Variants in XKR9 observed in about 807,000 individuals in gnomAD.
The protein encoded by XKR9 is XK related 9, also known as XK-related protein 9.
Under a neutral mutation model 32.0 loss-of-function variants are expected in XKR9, and 32 were observed. The observed-to-expected ratio is 1.00, with a 90% CI of 0.76 to 1.34. The LOEUF (loss-of-function observed/expected upper bound fraction) is 1.34, where lower values mean the gene tolerates loss of function less well. Among genes scored for constraint, XKR9 ranks in the 40% most tolerant of loss-of-function variants. XKR9 has a pLI of 0.00. For missense variants in XKR9, 546 were observed against 429.7 expected, an observed-to-expected ratio of 1.27 and a Z score of -2.39; for synonymous variants, 168 against 143.4, an observed-to-expected ratio of 1.17 and a Z score of -1.22.
the XKR9 span, among the ~76,000 whole-genome samples, chr8:70,815,305 G>C: frequency 6.6e-6 from 1 of 151,820 alleles, no homozygotes; most frequent in African/African-American, 2.4e-5. Flanking sequence ...TGTTTTTCCT[G>C]ATCCTCTCCC....
chr8:70,829,599 C>T, the XKR9 span, among the ~76,000 whole-genome samples: 1 of 152,196 alleles, frequency 6.6e-6, no homozygotes, highest in Non-Finnish European at 1.5e-5. Context: ...CAGGCGCCCG[C>T]TACCACACCC....
chr8:71,034,462 C>T, the XKR9 span, among the ~76,000 whole-genome samples: 2 of 152,282 alleles, frequency 1.3e-5, no homozygotes, highest in East Asian at 3.9e-4. Flanking sequence ...CAGGTATGTC[C>T]CTATAGCAGT....
At chr8:70,871,135 G>A in the XKR9 span, among the ~76,000 whole-genome samples, 6 of 152,028 alleles carry the variant, frequency 3.9e-5, no homozygotes, top group African/African-American at 1.2e-4. Flanking sequence ...AAACTCAGAT[G>A]TTGCATAATG....
chr8:70,731,472 A>C (rs1420291489), intron 4 of XKR9, among the ~76,000 whole-genome samples: 2 of 152,138 alleles, frequency 1.3e-5, no homozygotes, highest in Admixed American at 1.3e-4. Context: ...GTTTTATGGA[A>C]CCATAGACAA....
downstream of XKR9, among the ~76,000 whole-genome samples, chr8:70,738,961 A>G (rs901655615): frequency 2.6e-5 from 4 of 152,214 alleles, no homozygotes; most frequent in African/African-American, 9.6e-5. Flanking sequence ...TTTGGGGTGG[A>G]GAGTTCTGTA....
intron 2 of XKR9, among the ~76,000 whole-genome samples, chr8:70,771,511 C>G (rs1467366534): frequency 6.6e-6 from 1 of 152,084 alleles, no homozygotes; most frequent in Admixed American, 6.6e-5. Flanking sequence ...CCTCACTTTC[C>G]AAGGAAGATG....
chr8:70,923,370 GT>G, the XKR9 span, among the ~76,000 whole-genome samples: 24 of 152,306 alleles, frequency 1.6e-4, no homozygotes, highest in South Asian at 4.8e-3. Flanking sequence ...TCTTGAATCT[GT>G]TTTGGAACTA....
chr8:70,755,786 G>A (rs1807214913), intron 2 of XKR9, among the ~76,000 whole-genome samples: 2 of 151,002 alleles, frequency 1.3e-5, no homozygotes, highest in African/African-American at 2.4e-5. Context: ...GGGAGGGTTA[G>A]CATTAGGAGA....
the XKR9 span, among the ~76,000 whole-genome samples, chr8:70,937,214 G>T: frequency 2.1e-4 from 32 of 152,026 alleles, no homozygotes; most frequent in East Asian, 5.8e-3. Flanking sequence ...TTTTAAGTTG[G>T]ATAGCACCAT....
intron 3 of XKR9, among the ~76,000 whole-genome samples, chr8:70,699,487 C>T (rs1328069659): frequency 6.6e-6 from 1 of 152,114 alleles, no homozygotes; most frequent in South Asian, 2.1e-4. Context: ...AAATTCTTTT[C>T]TTTCAGAATG....
the XKR9 span, among the ~76,000 whole-genome samples, chr8:70,859,294 A>T: frequency 6.6e-6 from 1 of 152,142 alleles, no homozygotes; most frequent in Non-Finnish European, 1.5e-5. Context: ...CAAAACCATC[A>T]TGTGATATCA....
intron 4 of XKR9, among the ~76,000 whole-genome samples, chr8:70,710,951 G>A (rs148298073): frequency 5.9e-4 from 90 of 152,000 alleles, no homozygotes; most frequent in African/African-American, 1.8e-3. Flanking sequence ...AAACAACCCC[G>A]TTAAAAAATG....
At chr8:70,779,035 A>G (rs1563477987) in intron 2 of XKR9, among the ~76,000 whole-genome samples, 2 of 152,162 alleles carry the variant, frequency 1.3e-5, no homozygotes, top group African/African-American at 4.8e-5. Flanking sequence ...CTGGTTTTCA[A>G]AGGGAATGTT....
At chr8:70,755,423 G>T (rs1345242682) in intron 2 of XKR9, among the ~76,000 whole-genome samples, 1 of 152,078 alleles carries the variant, frequency 6.6e-6, no homozygotes, top group Non-Finnish European at 1.5e-5. Context: ...ATACCCAAAG[G>T]ACTATAAATC....
At chr8:70,708,016 A>C (rs895869089) in intron 4 of XKR9, among the ~76,000 whole-genome samples, 1 of 151,934 alleles carries the variant, frequency 6.6e-6, no homozygotes, top group African/African-American at 2.4e-5. Flanking sequence ...GCTGTCCTAG[A>C]CTCACATGTT....
the XKR9 span, among the ~76,000 whole-genome samples, chr8:71,026,297 A>T: frequency 0.43 from 65,882 of 152,088 alleles, 15,329 homozygotes; most frequent in Non-Finnish European, 0.53. Context: ...GTTTGTCAAA[A>T]TTTATTGATT....
chr8:70,978,473 T>A, the XKR9 span, among the ~76,000 whole-genome samples: 3 of 152,224 alleles, frequency 2.0e-5, no homozygotes, highest in Non-Finnish European at 4.4e-5. Context: ...GTAAAGGATT[T>A]TATTTCTCCT....
At chr8:70,769,525 AGT>A (rs1353469334) in intron 2 of XKR9, among the ~76,000 whole-genome samples, 1 of 152,024 alleles carries the variant, frequency 6.6e-6, no homozygotes, top group African/African-American at 2.4e-5. Context: ...AATATCCTGA[AGT>A]GTGTTTTCCA....
chr8:70,977,988 A>G, the XKR9 span, among the ~76,000 whole-genome samples: 1 of 152,286 alleles, frequency 6.6e-6, no homozygotes, highest in Non-Finnish European at 1.5e-5. Flanking sequence ...ACCATTATGT[A>G]ATGACCTTCT....
Sources: gnomAD v4.1 joint callset for allele counts (sites outside exome capture counted in the v4.1 genomes callset) on GRCh38, gnomAD v4.1.1 for gene constraint, MANE v1.5 for transcripts, NCBI Gene and HGNC (gene_info 2026-07-23, HGNC 2026-07-21) for gene names.